Variants in SLC9A7 observed in about 807,000 individuals in gnomAD.
SLC9A7 encodes the protein sodium/hydrogen exchanger 7.
A neutral mutation model predicts 52.6 loss-of-function variants in SLC9A7; 19 were observed. That is an observed-to-expected ratio of 0.36 (90% confidence interval 0.25 to 0.53). The LOEUF is 0.53. Ranked by LOEUF, SLC9A7 falls within the 20% of genes least tolerant of loss-of-function variation. The probability of loss-of-function intolerance (pLI) is 0.91; values close to 1 mark genes in which losing one functional copy is unlikely to be tolerated. For synonymous variants in SLC9A7, 226 were observed against 252.1 expected (o/e 0.90, Z 0.98); for missense variants, 455 against 597.9 (o/e 0.76, Z 2.49).
rs183043686 is a variant in SLC9A7, at chrX:46,619,509, A to C, written c.1823+1468T>G. ...GAAATACTATGGAACAAGGAGAACA[A>C]ATGAACTAGAACTACACATAACAAC... On this transcript the variant is annotated intron_variant, in intron 15 of 16. Coordinates refer to ENST00000616978, the MANE Select transcript of SLC9A7 (RefSeq NM_001257291.2). Among the ~76,000 whole-genome samples the C allele has an allele frequency of 2.7e-5, 3 of 112,037 alleles. No homozygotes were observed. In the East Asian group the frequency reaches 8.3e-4, roughly 31 times the overall value.
At chrX:46,748,735 C>A (rs2147021782) in intron 1 of SLC9A7, among the ~76,000 whole-genome samples, 1 of 109,925 alleles carries the variant, frequency 9.1e-6, no homozygotes, top group Non-Finnish European at 1.9e-5. Flanking sequence ...TATGAATGAT[C>A]TAGAATAGGC....
intron 16 of SLC9A7, among the ~76,000 whole-genome samples, chrX:46,610,902 TTTG>T (rs1385249554): frequency 8.9e-6 from 1 of 112,568 alleles, no homozygotes; most frequent in African/African-American, 3.2e-5. Context: ...TAATAGTGGA[TTTG>T]TTGTTTTACT....
chrX:46,620,057 AAC>A (rs1199606502), intron 15 of SLC9A7, among the ~76,000 whole-genome samples: 1 of 112,078 alleles, frequency 8.9e-6, no homozygotes, highest in East Asian at 2.8e-4. Flanking sequence ...ATAAATTTTT[AAC>A]AGTTTTGGCG....
chrX:46,653,710 G>C lies in SLC9A7; in HGVS notation c.1046C>G (p.Thr349Ser). 3 of 1,204,132 alleles carry C rather than the reference G, an allele frequency of 2.5e-6. No homozygotes were observed. Among genetic ancestry groups the C allele is most frequent in the Non-Finnish European group, 1.1e-6 (1 of 889,083 alleles). Residue 349 changes from threonine (T) to serine (S), a missense_variant, in exon 8 of 17, where the codon ACT becomes AGT. Coordinates refer to ENST00000616978, the MANE Select transcript of SLC9A7 (RefSeq NM_001257291.2). The part of the protein sequence containing the change: ...AVTGVVTALV[T>S]KFTKLHCFPL... The stretch of plus-strand genomic sequence containing the variant: ...GAAGCAGTGCAGTTTGGTAAACTTA[G>C]TCACGTTGGCATTCTGTCAAGGACC...
intron 5 of SLC9A7, among the ~76,000 whole-genome samples, chrX:46,667,969 C>A (rs1020155316): frequency 2.7e-5 from 3 of 111,895 alleles, no homozygotes; most frequent in Non-Finnish European, 3.8e-5. Context: ...TTGAAAAATA[C>A]AAGGCAAGGG....
intron 4 of SLC9A7, among the ~76,000 whole-genome samples, chrX:46,669,946 T>C (rs1943992507): frequency 8.9e-6 from 1 of 112,242 alleles, no homozygotes; most frequent in Non-Finnish European, 1.9e-5. Context: ...TTTTTAAAAG[T>C]TGTACTGGCT....
chrX:46,648,751 A>G lies in SLC9A7; in HGVS notation c.1397T>C (p.Phe466Ser). Residue 466 changes from phenylalanine (F) to serine (S), a missense_variant, in exon 11 of 17, where the codon TTC becomes TCC. Phe to Ser is a radical substitution (Grantham distance 155, BLOSUM62 -2). Around this residue, in one of 3 missense-constraint regions of SLC9A7, gnomAD observed 304 missense variants for 417.8 expected, o/e 0.73. Coordinates refer to ENST00000616978, the MANE Select transcript of SLC9A7 (RefSeq NM_001257291.2). ...ATGCCTTCTGCCCAAGTTGAGGAAG[A>G]AGGAGAGCGGGTAGATGTGCGCGGC... ...GRAAHIYPLS[F>S]FLNLGRRHKI... The G allele has an allele frequency of 1.7e-6, 2 of 1,211,674 alleles. No individual in the cohort carries two copies. Among genetic ancestry groups the G allele is most frequent in the South Asian group, 1.8e-5 (1 of 56,987 alleles).
intron 12 of SLC9A7, among the ~76,000 whole-genome samples, chrX:46,640,898 G>T (rs1237099989): frequency 1.8e-5 from 2 of 112,018 alleles, no homozygotes; most frequent in African/African-American, 6.5e-5. Context: ...ATGCTGGGGG[G>T]GATGCTGAGA....
chrX:46,752,486 GA>G (rs1292191018), intron 1 of SLC9A7, among the ~76,000 whole-genome samples: 1 of 110,995 alleles, frequency 9.0e-6, no homozygotes, highest in African/African-American at 3.3e-5. Flanking sequence ...TTGACTTTTT[GA>G]AGAGTCTGGG....
chrX:46,730,694 ATATATATATATAT>A, intron 1 of SLC9A7, among the ~76,000 whole-genome samples: 1 of 75,671 alleles, frequency 1.3e-5, no homozygotes, highest in African/African-American at 4.4e-5. Context: ...ATATATATAT[ATATATATATATAT>A]ATAAAATGGA....
At chrX:46,682,779 G>A (rs981742009) in intron 1 of SLC9A7, among the ~76,000 whole-genome samples, 2 of 109,387 alleles carry the variant, frequency 1.8e-5, no homozygotes, top group African/African-American at 6.7e-5. Context: ...ACCTTCAGTG[G>A]TATTATGACA....
At chrX:46,725,463 G>A in intron 1 of SLC9A7, 2 of 1,061,893 alleles carry the variant, frequency 1.9e-6, no homozygotes, top group Non-Finnish European at 1.3e-6. Flanking sequence ...TTGCTTGTGT[G>A]CCTTCTTCAT....
intron 1 of SLC9A7, among the ~76,000 whole-genome samples, chrX:46,706,892 G>A (rs1001176953): frequency 9.0e-6 from 1 of 110,790 alleles, no homozygotes; most frequent in Admixed American, 9.6e-5. Flanking sequence ...AGGCACACAC[G>A]ACCACACCTG....
intron 1 of SLC9A7, among the ~76,000 whole-genome samples, chrX:46,716,525 G>A (rs1944771544): frequency 9.0e-6 from 1 of 111,413 alleles, no homozygotes; most frequent in South Asian, 3.8e-4. Context: ...AAAGCACAGA[G>A]GGGAAGGAAT....
chrX:46,737,309 A>G (rs1045007757), intron 1 of SLC9A7, among the ~76,000 whole-genome samples: 5 of 111,817 alleles, frequency 4.5e-5, no homozygotes, highest in Admixed American at 9.5e-5. Flanking sequence ...AGAAATCCCT[A>G]TATCTGTGGC....
intron 1 of SLC9A7, among the ~76,000 whole-genome samples, chrX:46,757,423 G>A (rs1244991981): frequency 2.7e-5 from 3 of 112,496 alleles, no homozygotes; most frequent in Admixed American, 9.4e-5. Flanking sequence ...CCCCTTACAC[G>A]GTTTGGCTGC....
chrX:46,747,366 C>A (rs1921856797), intron 1 of SLC9A7, among the ~76,000 whole-genome samples: 1 of 111,430 alleles, frequency 9.0e-6, no homozygotes. Flanking sequence ...TTAATCTTCA[C>A]AAATTATACA....
chrX:46,633,359 A>C (rs1347855990), intron 13 of SLC9A7, among the ~76,000 whole-genome samples: 2 of 92,580 alleles, frequency 2.2e-5, no homozygotes, highest in African/African-American at 3.9e-5. Flanking sequence ...AAAAAAAAAA[A>C]AAAAAAAAAA....
chrX:46,669,214 G>T (rs1943979277), intron 5 of SLC9A7, among the ~76,000 whole-genome samples: 1 of 108,878 alleles, frequency 9.2e-6, no homozygotes, highest in African/African-American at 3.3e-5. Context: ...TTTATGTCAG[G>T]CATTTTTACA....
Sources: gnomAD v4.1 joint callset for allele counts (sites outside exome capture counted in the v4.1 genomes callset) on GRCh38, gnomAD v4.1.1 for gene constraint, gnomAD v4.1.1 regional missense constraint, MANE v1.5 for transcripts, NCBI Gene and HGNC (gene_info 2026-07-23, HGNC 2026-07-21) for gene names.